UBA2: variants seen among roughly 807,000 people sequenced by gnomAD.
The protein encoded by UBA2 is ubiquitin like modifier activating enzyme 2, also known as SUMO-activating enzyme subunit 2.
Under a neutral mutation model 77.2 loss-of-function variants are expected in UBA2, and 11 were observed. The observed-to-expected ratio is 0.14, with a 90% CI of 0.09 to 0.24. UBA2 has a LOEUF of 0.24. UBA2 is among the 10% of genes least tolerant of loss of function. The pLI is 1.00. For missense variants in UBA2, 487 were observed against 781.7 expected (o/e 0.62, Z 4.50); for synonymous variants, 278 against 276.7 (o/e 1.00, Z -0.05).
Position 34,471,245 on chromosome 19 carries a change from T to G in UBA2, c.*2024T>G, listed in dbSNP as rs532859416. 6.6e-6 allele frequency: 1 copy of G among 152,378 alleles called. No homozygotes were observed. The highest frequency in any genetic ancestry group is 6.5e-5 in the Admixed American group (1 of 15,304). 9.4% of individuals were successfully genotyped at this position (152,378 alleles called of 1,614,324 possible). A position where few individuals can be genotyped will look rare whatever the true frequency, so the allele number is the denominator to read the frequency against. On this transcript the variant is annotated 3_prime_UTR_variant, in exon 17 of 17. Transcript: ENST00000246548. ...ATATTTCAACTAAATTTTAAATTTC[T>G]AATTCATGTATTGTTCCTTGTGTAA... is the stretch of plus-strand genomic sequence containing the variant.
chr19:34,447,487 A>G (rs559975927), intron 8 of UBA2, among the ~76,000 whole-genome samples: 1 of 152,332 alleles, frequency 6.6e-6, no homozygotes, highest in South Asian at 2.1e-4. Context: ...CCAAACCAGT[A>G]TCCTTATTTC....
chr19:34,446,864 C>A (rs2075437789), intron 8 of UBA2, among the ~76,000 whole-genome samples: 1 of 152,142 alleles, frequency 6.6e-6, no homozygotes, highest in Non-Finnish European at 1.5e-5. Context: ...CCTCGGCCTC[C>A]CAAAGTGCTG....
chr19:34,452,235 ATATT>A (rs1275893918), intron 10 of UBA2, 88 bp downstream of exon 10: 2 of 1,176,178 alleles, frequency 1.7e-6, no homozygotes, highest in Non-Finnish European at 1.2e-6. Context: ...CATTTTTTGA[ATATT>A]TACTAGATTT....
At chr19:34,458,730 G>A in intron 12 of UBA2, 39 bp from the exon 13 acceptor site, 1 of 1,578,396 alleles carries the variant, frequency 6.3e-7, no homozygotes, top group Non-Finnish European at 8.6e-7. Context: ...TAAAATTACA[G>A]CACGTTTCCG....
Position 34,428,457 on chromosome 19 carries a change from C to T in UBA2, c.25C>T (p.Arg9Trp), listed in dbSNP as rs773116538. 4 of 1,283,014 alleles carry T rather than the reference C, an allele frequency of 3.1e-6. No individual in the cohort carries two copies. Among genetic ancestry groups the T allele is most frequent in the Non-Finnish European group, 2.0e-6 (2 of 1,010,640 alleles). The allele number at this position is 1,283,014 out of a possible 1,614,324, so 79.5% of individuals were successfully genotyped here. The stretch of plus-strand genomic sequence containing the variant: ...CATGGCACTGTCGCGGGGGCTGCCC[C>T]GGGAGCTGGCTGAGGCGGTGGCCGG... MALSRGLP[R>W]ELAEAVAGGR... Residue 9 changes from arginine to tryptophan, a missense_variant, in exon 1 of 17, where the codon CGG becomes TGG. Coordinates refer to ENST00000246548, the MANE Select transcript of UBA2 (RefSeq NM_005499.3).
At chr19:34,431,669 T>C (rs564246279) in intron 2 of UBA2, among the ~76,000 whole-genome samples, 192 bp from the exon 3 acceptor site, 1 of 152,260 alleles carries the variant, frequency 6.6e-6, no homozygotes, top group African/African-American at 2.4e-5. Context: ...CTCCGGTTAT[T>C]TTATAAGTAT....
chr19:34,440,395 A>G (rs1353875433), intron 6 of UBA2, among the ~76,000 whole-genome samples: 5 of 152,210 alleles, frequency 3.3e-5, no homozygotes, highest in Non-Finnish European at 5.9e-5. Flanking sequence ...ATTATTCTAA[A>G]TAATGCACCG....
chr19:34,429,813 G>T (rs1261166890), intron 1 of UBA2, among the ~76,000 whole-genome samples: 1 of 152,130 alleles, frequency 6.6e-6, no homozygotes, highest in African/African-American at 2.4e-5. Flanking sequence ...TCCAGCCTGG[G>T]CAACAGAGGG....
rs973874041 is a variant in UBA2, at chr19:34,452,043, G to A, written c.934G>A (p.Val312Ile). The part of the protein sequence containing the change: ...EPQLGLKDQQ[V>I]LDVKSYARLF... ...CCAGTTAGGCCTGAAAGACCAGCAG[G>A]TTCTAGATGTAAAGAGCTATGCACG... Residue 312 changes from valine to isoleucine, a missense_variant, in exon 10 of 17, where the codon GTT (valine) becomes ATT (isoleucine). This residue lies in a region of UBA2 where 300 missense variants were observed against 454.3 expected (regional missense o/e 0.66). Coordinates refer to ENST00000246548, the MANE Select transcript of UBA2 (RefSeq NM_005499.3). 5.6e-6 allele frequency: 9 copies of A among 1,610,614 alleles called. No individual in the cohort carries two copies. The highest frequency in any genetic ancestry group is 6.8e-6 in the Non-Finnish European group (8 of 1,177,666).
In UBA2 at chr19:34,445,158, A is replaced by G. The variant is rs913753862; in HGVS notation, c.771+37A>G. 1.6e-5 allele frequency: 25 copies of G among 1,579,554 alleles called. No homozygotes were observed. The Admixed American group carries it at 2.5e-4, about 16-fold the overall frequency. On this transcript the variant is annotated intron_variant, in intron 8 of 16. Coordinates refer to ENST00000246548, the MANE Select transcript of UBA2 (RefSeq NM_005499.3). ...TTTTTTTATAATCATGGATAGATGT[A>G]TTGTTGTGCATAGATGTATTGTTCT...
At chr19:34,456,106 CTT>C (rs869130576) in intron 12 of UBA2, among the ~76,000 whole-genome samples, 4 of 73,628 alleles carry the variant, frequency 5.4e-5, no homozygotes, top group Admixed American at 4.0e-4. Context: ...TTTTCTTTTT[CTT>C]TTTTTTTTTT....
intron 1 of UBA2, chr19:34,428,872 C>T (rs952215022): frequency 1.9e-6 from 2 of 1,062,808 alleles, no homozygotes; most frequent in East Asian, 6.5e-5. Flanking sequence ...CTTATCCTCC[C>T]TTCAAAACAA....
chr19:34,447,514 A>G (rs2075444886), intron 8 of UBA2, among the ~76,000 whole-genome samples: 1 of 152,242 alleles, frequency 6.6e-6, no homozygotes, highest in African/African-American at 2.4e-5. Context: ...AATCTGAGCA[A>G]GACTTGAAAG....
chr19:34,432,706 C>T (rs2075269060), intron 3 of UBA2, among the ~76,000 whole-genome samples: 1 of 152,082 alleles, frequency 6.6e-6, no homozygotes, highest in Non-Finnish European at 1.5e-5. Flanking sequence ...TACAGGCGCA[C>T]GCCACCACAC....
chr19:34,444,512 CTAAG>C (rs2075407265), intron 7 of UBA2, among the ~76,000 whole-genome samples: 1 of 152,086 alleles, frequency 6.6e-6, no homozygotes, highest in Non-Finnish European at 1.5e-5. Flanking sequence ...CTTTCAGAAA[CTAAG>C]TTACAACAGG....
intron 8 of UBA2, among the ~76,000 whole-genome samples, chr19:34,446,853 G>A (rs1175214495): frequency 6.6e-6 from 1 of 152,084 alleles, no homozygotes; most frequent in Non-Finnish European, 1.5e-5. Context: ...TGATCTGCCT[G>A]CCTCGGCCTC....
Position 34,434,380 on chromosome 19 carries a change from T to C in UBA2, c.359-488T>C, listed in dbSNP as rs551609299. Among the ~76,000 whole-genome samples, 3 of 152,326 alleles carry C rather than the reference T, an allele frequency of 2.0e-5. No individual in the cohort carries two copies. In the South Asian group the frequency reaches 6.2e-4, roughly 32 times the overall value. On this transcript the variant is annotated intron_variant, in intron 4 of 16. Coordinates refer to ENST00000246548, the MANE Select transcript of UBA2 (RefSeq NM_005499.3). ...GTCCTCCCACCTCAGCCTCCCAGAA[T>C]GCTGAGATTATGGGCATGAGCCAGT...
chr19:34,457,198 A>G (rs1404270631), intron 12 of UBA2, among the ~76,000 whole-genome samples: 2 of 130,368 alleles, frequency 1.5e-5, no homozygotes, highest in Non-Finnish European at 3.2e-5. Flanking sequence ...ATATATATAT[A>G]TATATATATA....
At position 34,428,588 on chromosome 19, in the gene UBA2, G is replaced by T. The variant is rs1049794153; in HGVS notation, c.138+18G>T. 2 of 1,306,214 alleles carry T rather than the reference G, an allele frequency of 1.5e-6. No individual in the cohort carries two copies. Among genetic ancestry groups the T allele is most frequent in the Non-Finnish European group, 2.0e-6 (2 of 1,019,106 alleles). The allele number at this position is 1,306,214 out of a possible 1,614,324, so 80.9% of individuals were successfully genotyped here. ...TCGACCTGGTGAGGGCCGGGCGCGCGCGCGTGAATGGCGGGCTGTGGTGCG... is the reference window on the plus strand; with the variant it reads ...TCGACCTGGTGAGGGCCGGGCGCGCTCGCGTGAATGGCGGGCTGTGGTGCG... On this transcript the variant is annotated intron_variant, in intron 1 of 16. Coordinates refer to ENST00000246548, the MANE Select transcript of UBA2 (RefSeq NM_005499.3).
Sources: gnomAD v4.1 joint callset for allele counts (sites outside exome capture counted in the v4.1 genomes callset) on GRCh38, gnomAD v4.1.1 for gene constraint, gnomAD v4.1.1 regional missense constraint, MANE v1.5 for transcripts, NCBI Gene and HGNC (gene_info 2026-07-23, HGNC 2026-07-21) for gene names.